Variants in CYFIP2 observed in about 807,000 individuals in gnomAD.
CYFIP2 encodes the protein cytoplasmic FMR1 interacting protein 2, also known as cytoplasmic FMR1-interacting protein 2.
In CYFIP2, 29 loss-of-function variants were observed where a neutral mutation model predicts 158.7. The ratio of observed to expected loss-of-function variants is 0.18; its 90% CI spans 0.14 to 0.25. The LOEUF is 0.25. Ranked by LOEUF, CYFIP2 falls within the 10% of genes least tolerant of loss-of-function variation. The pLI, the probability that CYFIP2 is intolerant of heterozygous loss-of-function variation, is 1.00. For missense variants in CYFIP2, 852 were observed against 1,639.5 expected, an observed-to-expected ratio of 0.52 and a Z score of 8.29; for synonymous variants, 585 against 617.6, an observed-to-expected ratio of 0.95 and a Z score of 0.78.
chr5:157,315,190 CTAAT>C, intron 13 of CYFIP2, 96 bp downstream of exon 13: 1 of 1,492,020 alleles, frequency 6.7e-7, no homozygotes, highest in Non-Finnish European at 9.0e-7. Flanking sequence ...ATCGGTTGCC[CTAAT>C]TTTCGTGCTC....
rs138347524 is a variant in CYFIP2 at position 157,371,054 on chromosome 5, A to G, written c.3039+9456A>G. On this transcript the variant is annotated intron_variant, in intron 26 of 30. Transcript: ENST00000620254. ...ACAGCGTCTCTCGGTTGGGCTTTCCACTGCACCTGGAGTCCCAAATGAGGG... is the reference window on the plus strand; with the variant it reads ...ACAGCGTCTCTCGGTTGGGCTTTCCGCTGCACCTGGAGTCCCAAATGAGGG... Among the ~76,000 whole-genome samples the G allele has an allele frequency of 4.6e-5, 7 of 152,316 alleles. No homozygotes were observed. The East Asian group carries it at 1.4e-3, about 29-fold the overall frequency.
intron 28 of CYFIP2, chr5:157,384,939 CAAAAAAAAAAAAA>C (rs34749971): frequency 2.0e-4 from 13 of 63,898 alleles, no homozygotes; most frequent in Admixed American, 1.5e-3. Flanking sequence ...GACTCCATCT[CAAAAAAAAAAAAA>C]AAAAAAAAAA....
intron 10 of CYFIP2, among the ~76,000 whole-genome samples, chr5:157,310,872 G>T (rs1338456951): frequency 6.6e-6 from 1 of 152,214 alleles, no homozygotes; most frequent in Non-Finnish European, 1.5e-5. Flanking sequence ...TGCCTTGTCT[G>T]GTGCTCATGC....
intron 23 of CYFIP2, among the ~76,000 whole-genome samples, chr5:157,347,463 C>A (rs371885532): frequency 6.6e-6 from 1 of 152,138 alleles, no homozygotes; most frequent in African/African-American, 2.4e-5. Context: ...TCTTCCCAGG[C>A]GCCTGTCTTA....
At chr5:157,322,870 T>G in intron 15 of CYFIP2, 1 of 1,366,988 alleles carries the variant, frequency 7.3e-7, no homozygotes, top group Non-Finnish European at 1.0e-6. Flanking sequence ...CTCTCTCTCT[T>G]TCTCTCTCTC....
chr5:157,303,081 C>G (rs115180188), intron 7 of CYFIP2, 191 bp downstream of exon 7: 232 of 549,136 alleles, frequency 4.2e-4, no homozygotes, highest in African/African-American at 4.2e-3. Context: ...CCGATTCACC[C>G]TCTCCAGTTG....
intron 23 of CYFIP2, among the ~76,000 whole-genome samples, chr5:157,353,744 T>C (rs2113324911): frequency 6.6e-6 from 1 of 152,364 alleles, no homozygotes; most frequent in Non-Finnish European, 1.5e-5. Flanking sequence ...GCTGTGTTTG[T>C]GTTTGCGGGC....
intron 26 of CYFIP2, among the ~76,000 whole-genome samples, chr5:157,362,238 CTAAGAA>C (rs1221192113): frequency 4.6e-5 from 7 of 152,180 alleles, no homozygotes; most frequent in East Asian, 1.9e-4. Flanking sequence ...TCCAGGCCTC[CTAAGAA>C]TAAGTTTAGA....
chr5:157,368,512 C>G (rs1764647772), intron 26 of CYFIP2, among the ~76,000 whole-genome samples: 1 of 152,156 alleles, frequency 6.6e-6, no homozygotes, highest in Non-Finnish European at 1.5e-5. Context: ...ATGCCTCTGG[C>G]CTTTCTGTAT....
intron 23 of CYFIP2, among the ~76,000 whole-genome samples, chr5:157,346,364 C>T (rs751587023): frequency 1.3e-5 from 2 of 152,100 alleles, no homozygotes; most frequent in African/African-American, 2.4e-5. Context: ...ATAGAGCCTT[C>T]GTAGATATAA....
At chr5:157,300,533 CAAAAAAAA>C in intron 5 of CYFIP2, among the ~76,000 whole-genome samples, 174 bp from the exon 6 acceptor site, 1 of 121,208 alleles carries the variant, frequency 8.3e-6, no homozygotes, top group South Asian at 2.7e-4. Flanking sequence ...GACTCCGTCT[CAAAAAAAA>C]AAAAAAAAGA....
At chr5:157,349,894 G>A (rs1762956971) in intron 23 of CYFIP2, among the ~76,000 whole-genome samples, 1 of 152,140 alleles carries the variant, frequency 6.6e-6, no homozygotes, top group South Asian at 2.1e-4. Context: ...TTTTATGTTT[G>A]TTGGCCATTT....
At chr5:157,313,531 A>T (rs567408835) in intron 11 of CYFIP2, among the ~76,000 whole-genome samples, 2 of 152,336 alleles carry the variant, frequency 1.3e-5, no homozygotes, top group Admixed American at 6.5e-5. Flanking sequence ...TGTTTACTGT[A>T]TGAGAGCTGA....
Position 157,309,675 on chromosome 5 carries a change from G to A in CYFIP2, c.901-68G>A, listed in dbSNP as rs1016122064. ...ACAGAGGCCTGCCTCCCACAGTGGG[G>A]TGGCAGCGAAGGCAGCCACCCCAAC... On this transcript the variant is annotated intron_variant, in intron 9 of 30. Coordinates refer to ENST00000620254, the MANE Select transcript of CYFIP2 (RefSeq NM_001037333.3). The A allele has an allele frequency of 4.3e-6, 6 of 1,410,326 alleles. No homozygotes were observed. The African/African-American group carries it at 8.6e-5, about 20-fold the overall frequency. The allele number at this position is 1,410,326 out of a possible 1,614,324, so 87.4% of individuals were successfully genotyped here.
chr5:157,387,468 G>T (rs954330272), intron 28 of CYFIP2, among the ~76,000 whole-genome samples: 9 of 152,124 alleles, frequency 5.9e-5, no homozygotes, highest in Admixed American at 2.0e-4. Context: ...TTAACCAAAT[G>T]CACAGTAGAT....
At chr5:157,314,621 A>C (rs1759995074) in intron 12 of CYFIP2, among the ~76,000 whole-genome samples, 158 bp downstream of exon 12, 1 of 152,210 alleles carries the variant, frequency 6.6e-6, no homozygotes, top group African/African-American at 2.4e-5. Context: ...GGTTTTTAGT[A>C]TATCCGCAGA....
At chr5:157,392,801 G>A (rs778765610) in intron 30 of CYFIP2, 32 bp from the exon 31 acceptor site, 35 of 1,610,132 alleles carry the variant, frequency 2.2e-5, no homozygotes, top group Non-Finnish European at 2.9e-5. Context: ...ACTTTGTCCT[G>A]CCCTAACTTG....
At chr5:157,356,484 A>T (rs1763418460) in intron 23 of CYFIP2, among the ~76,000 whole-genome samples, 1 of 152,214 alleles carries the variant, frequency 6.6e-6, no homozygotes, top group Non-Finnish European at 1.5e-5. Flanking sequence ...TCATAATTGT[A>T]TGTACAGTTC....
chr5:157,279,550 G>A (rs1333134533), intron 1 of CYFIP2, among the ~76,000 whole-genome samples: 2 of 151,886 alleles, frequency 1.3e-5, no homozygotes, highest in Non-Finnish European at 2.9e-5. Context: ...TGTCTGCCTG[G>A]GGGGGCACCT....
Sources: gnomAD v4.1 joint callset for allele counts (sites outside exome capture counted in the v4.1 genomes callset) on GRCh38, gnomAD v4.1.1 for gene constraint, MANE v1.5 for transcripts, NCBI Gene and HGNC (gene_info 2026-07-23, HGNC 2026-07-21) for gene names.